Variants in DNAI1 observed in about 807,000 individuals in gnomAD.
The protein encoded by DNAI1 is dynein axonemal intermediate chain 1.
Under a neutral mutation model 92.0 loss-of-function variants are expected in DNAI1, and 67 were observed. The observed-to-expected ratio is 0.73, with a 90% CI of 0.60 to 0.89. The LOEUF (loss-of-function observed/expected upper bound fraction) is 0.89. Ranked by LOEUF, DNAI1 falls within the 40% of genes least tolerant of loss-of-function variation. The pLI, the probability that DNAI1 is intolerant of heterozygous loss-of-function variation, is 0.00. For missense variants in DNAI1, 839 were observed against 866.6 expected, an observed-to-expected ratio of 0.97 and a Z score of 0.40; for synonymous variants, 323 against 319.6, an observed-to-expected ratio of 1.01 and a Z score of -0.11.
At position 34,493,313 on chromosome 9, in the gene DNAI1, A is replaced by G. The variant is rs779711895; in HGVS notation, c.801A>G (p.Thr267=). ...GGAAGATGGCCATGAGGAAGCTGAC[A>G]TCTATGGAGTCTCAGGTTTGGTGTT... ...KSGKMAMRKL[T]SMESQTDDLI... Residue 267 remains threonine (T), a synonymous_variant, in exon 9 of 20, where the codon ACA becomes ACG. Transcript: ENST00000242317. 1.2e-6 allele frequency: 2 copies of G among 1,614,110 alleles called. No individual in the cohort carries two copies. The highest frequency in any genetic ancestry group is 1.1e-5 in the South Asian group (1 of 91,084).
intron 4 of DNAI1, chr9:34,488,398 C>T (rs1824515209): frequency 6.5e-6 from 1 of 154,304 alleles, no homozygotes; most frequent in Admixed American, 6.5e-5. Context: ...AAATACAGAG[C>T]TTCCCAACCT....
chr9:34,501,177 C>A lies in DNAI1; in HGVS notation c.1059C>A (p.Gly353=), dbSNP rs1215185992. ...KYRDLFAVGY[G]SYDFMKQSRG... is the part of the protein sequence containing the mutation. Reference sequence around the variant, plus strand: ...GGGATCTGTTTGCAGTGGGATATGGCTCTTGTAAGTGATCTGACTATTCAT... The same window carrying A: ...GGGATCTGTTTGCAGTGGGATATGGATCTTGTAAGTGATCTGACTATTCAT... Residue 353 remains glycine, a synonymous_variant, in exon 12 of 20, where the codon GGC becomes GGA. Coordinates refer to ENST00000242317, the MANE Select transcript of DNAI1 (RefSeq NM_012144.4). The A allele has an allele frequency of 6.2e-7, 1 of 1,612,062 alleles. No individual in the cohort carries two copies. The highest frequency in any genetic ancestry group is 8.5e-7 in the Non-Finnish European group (1 of 1,178,132).
intron 9 of DNAI1, among the ~76,000 whole-genome samples, chr9:34,494,138 T>G (rs1824669133): frequency 6.6e-6 from 1 of 151,836 alleles, no homozygotes; most frequent in Non-Finnish European, 1.5e-5. Flanking sequence ...GGGGCTGGTT[T>G]TCAGCACCTC....
intron 1 of DNAI1, among the ~76,000 whole-genome samples, chr9:34,460,459 G>A (rs1387385775): frequency 6.6e-6 from 1 of 152,190 alleles, no homozygotes; most frequent in Non-Finnish European, 1.5e-5. Flanking sequence ...GTTAGCCTTT[G>A]CTCCTCTGCC....
At chr9:34,507,685 G>A (rs1038925749) in intron 13 of DNAI1, among the ~76,000 whole-genome samples, 4 of 152,196 alleles carry the variant, frequency 2.6e-5, no homozygotes, top group African/African-American at 9.7e-5. Flanking sequence ...CCTCAACTCC[G>A]CACGGGGCCT....
chr9:34,490,010 A>G lies in DNAI1; in HGVS notation c.389-2A>G. The G allele has an allele frequency of 6.2e-7, 1 of 1,614,082 alleles. No individual in the cohort carries two copies. On this transcript the variant is annotated splice_acceptor_variant, in intron 5 of 19. Coordinates refer to ENST00000242317, the MANE Select transcript of DNAI1 (RefSeq NM_012144.4). LOFTEE classifies it high-confidence loss of function. ...TGAACTCATTGGCAGTATCCTACCA[A>G]GGTTCTCAGGAGTCTGTCAAGGTGA...
intron 8 of DNAI1, among the ~76,000 whole-genome samples, chr9:34,492,517 T>TCTATAG (rs1564033930): frequency 1.6e-5 from 2 of 122,722 alleles, no homozygotes; most frequent in African/African-American, 5.8e-5. Context: ...TATATATATA[T>TCTATAG]ATATATATAT....
At chr9:34,482,812 A>G (rs1212985000) in intron 1 of DNAI1, among the ~76,000 whole-genome samples, 2 of 152,374 alleles carry the variant, frequency 1.3e-5, no homozygotes, top group Non-Finnish European at 2.9e-5. Context: ...CGTGGAGCAG[A>G]GGATGGTGCT....
At chr9:34,481,113 C>T (rs1031245624) in intron 1 of DNAI1, among the ~76,000 whole-genome samples, 2 of 152,054 alleles carry the variant, frequency 1.3e-5, no homozygotes, top group African/African-American at 2.4e-5. Flanking sequence ...TGGTGGCAGA[C>T]GCCTGTAACC....
Position 34,493,370 on chromosome 9 carries a change from A to C in DNAI1, c.816+42A>C, listed in dbSNP as rs377082537. ...TACAGCTCTGCCACAGAATTTCTGAATGAGGCCTTGGCCTCTGGGTAGACA... is the reference window on the plus strand; with the variant it reads ...TACAGCTCTGCCACAGAATTTCTGACTGAGGCCTTGGCCTCTGGGTAGACA... On this transcript the variant is annotated intron_variant, in intron 9 of 19. Coordinates refer to ENST00000242317, the MANE Select transcript of DNAI1 (RefSeq NM_012144.4). 6 of 1,613,826 alleles carry C rather than the reference A, an allele frequency of 3.7e-6. No individual in the cohort carries two copies. The African/African-American group carries it at 6.7e-5, about 18-fold the overall frequency.
intron 1 of DNAI1, among the ~76,000 whole-genome samples, chr9:34,465,948 T>A (rs1824031480): frequency 1.3e-5 from 2 of 152,220 alleles, no homozygotes; most frequent in African/African-American, 4.8e-5. Context: ...ACTCATAGAG[T>A]CACTGGATTC....
At chr9:34,497,690 A>G (rs986248289) in intron 10 of DNAI1, among the ~76,000 whole-genome samples, 3 of 152,220 alleles carry the variant, frequency 2.0e-5, no homozygotes, top group Non-Finnish European at 4.4e-5. Flanking sequence ...CACATAGGAG[A>G]GAAGGAAAGT....
chr9:34,490,343 C>G, intron 6 of DNAI1, 26 bp from the exon 7 acceptor site: 2 of 1,614,152 alleles, frequency 1.2e-6, no homozygotes, highest in African/African-American at 1.3e-5. Flanking sequence ...CAGCTGATTC[C>G]TGATCCTCTG....
intron 8 of DNAI1, among the ~76,000 whole-genome samples, chr9:34,492,493 G>GAGAGAGATAT (rs1271867592): frequency 2.9e-5 from 2 of 68,268 alleles, no homozygotes; most frequent in South Asian, 9.0e-4. Flanking sequence ...GGGATATGAA[G>GAGAGAGATAT]ATATATATAT....
intron 1 of DNAI1, among the ~76,000 whole-genome samples, chr9:34,469,260 CTTTTTTTT>C (rs35082433): frequency 1.4e-4 from 11 of 80,190 alleles, no homozygotes; most frequent in Non-Finnish European, 1.9e-4. Flanking sequence ...AATGGAATGG[CTTTTTTTT>C]TTTTTTTTTT....
chr9:34,476,473 C>T (rs909173897), intron 1 of DNAI1, among the ~76,000 whole-genome samples: 7 of 152,180 alleles, frequency 4.6e-5, no homozygotes, highest in Non-Finnish European at 1.5e-5. Flanking sequence ...TGGAAAAAGA[C>T]AGTCCTTAGG....
chr9:34,494,360 A>G (rs966785383), intron 9 of DNAI1, among the ~76,000 whole-genome samples: 3 of 152,150 alleles, frequency 2.0e-5, no homozygotes, highest in African/African-American at 7.2e-5. Flanking sequence ...TGTTTTATTC[A>G]GTCACTGACC....
At chr9:34,481,529 TCTCA>T (rs1318335248) in intron 1 of DNAI1, among the ~76,000 whole-genome samples, 3 of 152,210 alleles carry the variant, frequency 2.0e-5, no homozygotes, top group African/African-American at 7.2e-5. Context: ...GGGTTCTTGG[TCTCA>T]CTGACTTCAA....
chr9:34,486,447 A>T (rs981096233), intron 4 of DNAI1, among the ~76,000 whole-genome samples: 1 of 152,138 alleles, frequency 6.6e-6, no homozygotes, highest in African/African-American at 2.4e-5. Flanking sequence ...GCTTCTTTAA[A>T]AAAAATTTAA....
Sources: allele counts gnomAD v4.1 joint callset (sites outside exome capture counted in the v4.1 genomes callset), GRCh38; gene constraint gnomAD v4.1.1; transcripts MANE v1.5; gene names NCBI Gene and HGNC (gene_info 2026-07-23, HGNC 2026-07-21).